The following PRDM6 variants were observed in gnomAD, a reference collection of about 807,000 sequenced individuals.
PRDM6 encodes PR/SET domain 6, also known as putative histone-lysine N-methyltransferase PRDM6.
In PRDM6, 25 loss-of-function variants were observed where a neutral mutation model predicts 60.8. The observed-to-expected ratio is 0.41, with a 90% confidence interval of 0.30 to 0.57. The LOEUF is 0.57. PRDM6 is among the 20% of genes least tolerant of loss of function. The pLI, the probability that PRDM6 is intolerant of heterozygous loss-of-function variation, is 0.27. For synonymous variants in PRDM6, 407 were observed against 357.4 expected, an observed-to-expected ratio of 1.14 and a Z score of -1.57; for missense variants, 839 against 821.3, an observed-to-expected ratio of 1.02 and a Z score of -0.26.
rs912672267 is a variant in PRDM6, at chr5:123,189,339, T to A, written c.*2138T>A. 6.6e-6 allele frequency: 1 copy of A among 152,218 alleles called. No homozygotes were observed. Among genetic ancestry groups the A allele is most frequent in the Non-Finnish European group, 1.5e-5 (1 of 68,040 alleles). 9.4% of individuals were successfully genotyped at this position (152,218 alleles called of 1,614,324 possible). On this transcript the variant is annotated 3_prime_UTR_variant, in exon 8 of 8. Transcript: ENST00000407847. Reference sequence around the variant, plus strand: ...AAACAACAGTAGGGAATCACCTGTATATTTCTAATTTTTTTTTTCATTTGA... The same window carrying A: ...AAACAACAGTAGGGAATCACCTGTAAATTTCTAATTTTTTTTTTCATTTGA...
intron 5 of PRDM6, among the ~76,000 whole-genome samples, chr5:123,169,583 G>T (rs1326335226): frequency 6.6e-6 from 1 of 152,180 alleles, no homozygotes; most frequent in East Asian, 1.9e-4. Context: ...CATCTATTTA[G>T]TGTCAACCAT....
Position 123,170,908 on chromosome 5 carries a change from T to G in PRDM6, c.1296T>G (p.Leu432=). 6.4e-7 allele frequency: 1 copy of G among 1,552,112 alleles called. No individual in the cohort carries two copies. The highest frequency in any genetic ancestry group is 8.7e-7 in the Non-Finnish European group (1 of 1,147,086). The stretch of plus-strand genomic sequence containing the variant: ...CTCCGTGCAGCAGGAACTTCTCTCT[T>G]CTGGATAAGTCTGGGCCCATTGAAT... The part of the protein sequence containing the change: ...PQTPCSRNFS[L]LDKSGPIESG... The change falls in exon 6 of 8, where the codon CTT becomes CTG. Residue 432 remains leucine, a synonymous_variant. Coordinates refer to ENST00000407847, the MANE Select transcript of PRDM6 (RefSeq NM_001136239.4).
chr5:123,165,267 C>T (rs1765728092), intron 5 of PRDM6, among the ~76,000 whole-genome samples: 1 of 152,222 alleles, frequency 6.6e-6, no homozygotes, highest in Non-Finnish European at 1.5e-5. Flanking sequence ...ACTCTATTCA[C>T]TCCCACTAAC....
At chr5:123,143,357 G>T (rs1263173179) in intron 3 of PRDM6, among the ~76,000 whole-genome samples, 2 of 152,030 alleles carry the variant, frequency 1.3e-5, no homozygotes, top group African/African-American at 4.8e-5. Context: ...TTTCCTTTCA[G>T]CCCACAGATG....
rs1374801978 is a variant in PRDM6 at position 123,190,895 on chromosome 5, A to G, written c.*3694A>G. 3.3e-5 allele frequency: 5 copies of G among 152,344 alleles called. No homozygotes were observed. The highest frequency in any genetic ancestry group is 1.9e-4 in the East Asian group (1 of 5,184). The allele number at this position is 152,344 out of a possible 1,614,324, so 9.4% of individuals were successfully genotyped here. ...AATGGGTATTTTAGTCCTTTAGACC[A>G]TTGTCTCAGTGAAGTTAAAGATTTT... On this transcript the variant is annotated 3_prime_UTR_variant, in exon 8 of 8. Transcript: ENST00000407847.
At chr5:123,092,756 T>C (rs138176781) in intron 2 of PRDM6, among the ~76,000 whole-genome samples, 1 of 152,254 alleles carries the variant, frequency 6.6e-6, no homozygotes, top group East Asian at 1.9e-4. Flanking sequence ...TAAAGGGCAA[T>C]TGAGAAAGAA....
intron 3 of PRDM6, among the ~76,000 whole-genome samples, chr5:123,146,207 T>C (rs932174069): frequency 6.6e-6 from 1 of 152,156 alleles, no homozygotes; most frequent in African/African-American, 2.4e-5. Flanking sequence ...GTAACTGAGG[T>C]ATAGTCAGGT....
At chr5:123,173,059 C>T (rs867397003) in intron 6 of PRDM6, among the ~76,000 whole-genome samples, 3 of 151,910 alleles carry the variant, frequency 2.0e-5, no homozygotes, top group African/African-American at 7.3e-5. Flanking sequence ...GGCATGGTGG[C>T]GGGCACCTGT....
rs559136718 is a variant in PRDM6 at position 123,159,776 on chromosome 5, G to A, written c.1153+138G>A. The A allele has an allele frequency of 7.5e-5, 65 of 867,052 alleles. 1 individual carries two copies. The highest frequency in any genetic ancestry group is 3.6e-4 in the South Asian group (20 of 55,214). The allele number at this position is 867,052 out of a possible 1,614,324, so 53.7% of individuals were successfully genotyped here. ...CAAACATATACAAGTCTATTCCATCGTTTTCTTTTCCCTGCATGTCATCTG... is the reference window on the plus strand; with the variant it reads ...CAAACATATACAAGTCTATTCCATCATTTTCTTTTCCCTGCATGTCATCTG... On this transcript the variant is annotated intron_variant, in intron 5 of 7. Transcript: ENST00000407847.
chr5:123,129,681 T>C (rs1028385083), intron 3 of PRDM6, among the ~76,000 whole-genome samples: 3 of 152,210 alleles, frequency 2.0e-5, no homozygotes, highest in African/African-American at 7.2e-5. Flanking sequence ...ATTCACTGAA[T>C]TTAGGTGTGT....
chr5:123,187,400 C>T lies in PRDM6; in HGVS notation c.*199C>T. ...CAGGAAAGAGATTATTTATTTATGACTTAGGGATGAGACTTATTTCAGTGG... is the reference window on the plus strand; with the variant it reads ...CAGGAAAGAGATTATTTATTTATGATTTAGGGATGAGACTTATTTCAGTGG... On this transcript the variant is annotated 3_prime_UTR_variant, in exon 8 of 8. Transcript: ENST00000407847. 4.6e-6 allele frequency: 2 copies of T among 431,494 alleles called. No individual in the cohort carries two copies. Among genetic ancestry groups the T allele is most frequent in the Non-Finnish European group, 4.3e-6 (1 of 232,752 alleles). The allele number at this position is 431,494 out of a possible 1,614,324, so 26.7% of individuals were successfully genotyped here.
chr5:123,161,758 C>T (rs1765636486), intron 5 of PRDM6, among the ~76,000 whole-genome samples: 1 of 152,156 alleles, frequency 6.6e-6, no homozygotes, highest in Non-Finnish European at 1.5e-5. Context: ...TTGTCAGGAC[C>T]CTGGCTCTAA....
intron 3 of PRDM6, among the ~76,000 whole-genome samples, chr5:123,114,383 C>A (rs1764384827): frequency 6.6e-6 from 1 of 152,184 alleles, no homozygotes; most frequent in African/African-American, 2.4e-5. Context: ...GTCAACCCAT[C>A]TCTTTTACTA....
chr5:123,123,930 G>A (rs1050147196), intron 3 of PRDM6, among the ~76,000 whole-genome samples: 1 of 152,106 alleles, frequency 6.6e-6, no homozygotes, highest in African/African-American at 2.4e-5. Context: ...GGAGAGCTGG[G>A]GTATTTGAAT....
chr5:123,172,712 A>G (rs533689876), intron 6 of PRDM6, among the ~76,000 whole-genome samples: 2 of 152,362 alleles, frequency 1.3e-5, no homozygotes, highest in East Asian at 3.9e-4. Context: ...TTATAGTCAT[A>G]ATAACTAATT....
intron 3 of PRDM6, among the ~76,000 whole-genome samples, chr5:123,141,926 C>G (rs1349330214): frequency 6.6e-6 from 1 of 152,156 alleles, no homozygotes; most frequent in Non-Finnish European, 1.5e-5. Context: ...CAGGCTGATT[C>G]ACTCCATGAC....
intron 6 of PRDM6, among the ~76,000 whole-genome samples, chr5:123,172,620 A>G (rs111515174): frequency 1.2e-3 from 179 of 152,368 alleles, no homozygotes; most frequent in Non-Finnish European, 1.7e-3. Context: ...AAAATACAAA[A>G]GATGCATTAA....
chr5:123,186,215 C>T (rs2126894736), intron 7 of PRDM6, among the ~76,000 whole-genome samples: 1 of 152,262 alleles, frequency 6.6e-6, no homozygotes, highest in South Asian at 2.1e-4. Context: ...ACAACATCCA[C>T]AGAAAAACAA....
intron 3 of PRDM6, among the ~76,000 whole-genome samples, chr5:123,154,746 AGAGT>A (rs1428279080): frequency 6.6e-6 from 1 of 152,216 alleles, no homozygotes; most frequent in East Asian, 1.9e-4. Context: ...CGGACTAGCA[AGAGT>A]GAGAGACACG....
Sources: gnomAD v4.1 joint callset for allele counts (sites outside exome capture counted in the v4.1 genomes callset) on GRCh38, gnomAD v4.1.1 for gene constraint, MANE v1.5 for transcripts, NCBI Gene and HGNC (gene_info 2026-07-23, HGNC 2026-07-21) for gene names.